The following SPRY3 variants were observed in gnomAD, a reference collection of about 807,000 sequenced individuals.
SPRY3 encodes the protein protein sprouty homolog 3.
SPRY3 carries 15 observed loss-of-function variants against 20.2 expected under a neutral mutation model. The ratio of observed to expected loss-of-function variants is 0.74; its 90% CI spans 0.50 to 1.14. SPRY3 has a LOEUF of 1.14. SPRY3 is among the 50% of genes most tolerant of loss of function. The pLI is 0.00. For missense variants in SPRY3, 364 were observed against 363.9 expected (o/e 1.00, Z 0.00); for synonymous variants, 143 against 136.5 (o/e 1.05, Z -0.33).
chrX:155,626,511 C>T (rs180843231), intron 1 of SPRY3, among the ~76,000 whole-genome samples: 1 of 110,915 alleles, frequency 9.0e-6, no homozygotes, highest in East Asian at 2.8e-4. Flanking sequence ...TTTTCACTGT[C>T]CTGATGGTGT....
In SPRY3 at chrX:155,729,147, G is replaced by A. The variant is rs777180661; in HGVS notation, c.-281-38815G>A. Among the ~76,000 whole-genome samples, 16 of 152,176 alleles carry A rather than the reference G, an allele frequency of 1.1e-4. No homozygotes were observed. In the South Asian group the frequency reaches 2.5e-3, roughly 24 times the overall value. On this transcript the variant is annotated intron_variant, in intron 2 of 3. Coordinates refer to ENST00000675360, the Ensembl canonical transcript of SPRY3. ...CTTCAACAGCCCACTTTTAGCATTG[G>A]ACAGATATCCAACAAAAAATCAACA...
At chrX:155,740,406 G>A (rs759023461) in intron 2 of SPRY3, among the ~76,000 whole-genome samples, 7 of 152,240 alleles carry the variant, frequency 4.6e-5, no homozygotes, top group South Asian at 2.1e-4. Flanking sequence ...ATAAACGGAC[G>A]TGCAAGTAGG....
intron 2 of SPRY3, among the ~76,000 whole-genome samples, chrX:155,749,627 A>G (rs1253760348): frequency 6.6e-6 from 1 of 151,846 alleles, no homozygotes; most frequent in Non-Finnish European, 1.5e-5. Context: ...GCTGTGTGAG[A>G]AAGAGTGATA....
At chrX:155,768,764 C>T (rs960488777) in intron 3 of SPRY3, among the ~76,000 whole-genome samples, 2 of 152,180 alleles carry the variant, frequency 1.3e-5, no homozygotes, top group African/African-American at 4.8e-5. Context: ...AAAGTGAGAA[C>T]CTGTGAGCAC....
At chrX:155,707,486 C>T (rs1465962568) in intron 2 of SPRY3, among the ~76,000 whole-genome samples, 1 of 151,150 alleles carries the variant, frequency 6.6e-6, no homozygotes, top group Non-Finnish European at 1.5e-5. Context: ...AATGTCAGGT[C>T]ACACTGGTGT....
intron 2 of SPRY3, among the ~76,000 whole-genome samples, chrX:155,712,286 G>C (rs939451950): frequency 3.3e-5 from 5 of 151,800 alleles, no homozygotes; most frequent in African/African-American, 7.2e-5. Context: ...CTTAAAGTGG[G>C]GTATTGAAGC....
At chrX:155,650,187 T>A (rs1365103686) in intron 1 of SPRY3, among the ~76,000 whole-genome samples, 3 of 111,513 alleles carry the variant, frequency 2.7e-5, no homozygotes, top group Non-Finnish European at 5.7e-5. Context: ...ATACTGCTCA[T>A]AGTAATTTAT....
At chrX:155,676,826 A>T in intron 2 of SPRY3, among the ~76,000 whole-genome samples, 1 of 111,285 alleles carries the variant, frequency 9.0e-6, no homozygotes, top group Non-Finnish European at 1.9e-5. Context: ...TTTTTGAGGG[A>T]GGAGCCCTCA....
At chrX:155,687,672 T>C (rs1474468817) in intron 2 of SPRY3, among the ~76,000 whole-genome samples, 1 of 112,220 alleles carries the variant, frequency 8.9e-6, no homozygotes, top group Non-Finnish European at 1.9e-5. Flanking sequence ...ATTTCATGAC[T>C]TTAAGTCCAG....
intron 2 of SPRY3, among the ~76,000 whole-genome samples, chrX:155,750,468 G>C (rs1360229471): frequency 6.6e-6 from 1 of 151,732 alleles, no homozygotes. Flanking sequence ...AATATCACCA[G>C]AGGACATTGA....
intron 2 of SPRY3, among the ~76,000 whole-genome samples, chrX:155,727,051 T>A (rs1344432078): frequency 6.6e-6 from 1 of 152,158 alleles, no homozygotes; most frequent in Non-Finnish European, 1.5e-5. Flanking sequence ...TTATTTCTCC[T>A]TCACTTATAA....
At chrX:155,767,784 G>C (rs977855071) in intron 2 of SPRY3, 178 bp from the exon 2 acceptor site, 4 of 151,478 alleles carry the variant, frequency 2.6e-5, no homozygotes, top group African/African-American at 5.0e-5. Context: ...AAGAGGAGGA[G>C]GTGAACAACT....
chrX:155,637,441 G>C (rs1158043251), intron 1 of SPRY3, among the ~76,000 whole-genome samples: 1 of 111,150 alleles, frequency 9.0e-6, no homozygotes, highest in Non-Finnish European at 1.9e-5. Context: ...GAAGGTGCTA[G>C]AGCAGTGTCA....
chrX:155,631,372 G>A (rs1167405856), intron 1 of SPRY3, among the ~76,000 whole-genome samples: 3 of 112,135 alleles, frequency 2.7e-5, no homozygotes, highest in African/African-American at 9.7e-5. Context: ...TTGATTCCAT[G>A]TCTTGGCTAT....
intron 2 of SPRY3, among the ~76,000 whole-genome samples, chrX:155,679,065 G>T (rs2068065956): frequency 9.0e-6 from 1 of 111,042 alleles, no homozygotes; most frequent in Admixed American, 9.6e-5. Flanking sequence ...GGGGCTGGGG[G>T]AAGGATAGCA....
At chrX:155,683,234 G>A (rs766729171) in intron 2 of SPRY3, among the ~76,000 whole-genome samples, 32 of 112,322 alleles carry the variant, frequency 2.8e-4, no homozygotes, top group African/African-American at 8.4e-4. Flanking sequence ...GTTCTGCTGT[G>A]GGTAAAATGC....
chrX:155,725,908 G>A (rs1175611181), intron 2 of SPRY3, among the ~76,000 whole-genome samples: 1 of 152,124 alleles, frequency 6.6e-6, no homozygotes, highest in Non-Finnish European at 1.5e-5. Context: ...TAATTGTGAT[G>A]TTAGGATGTC....
At chrX:155,640,310 GTTA>G (rs1161741732) in intron 1 of SPRY3, among the ~76,000 whole-genome samples, 1 of 112,330 alleles carries the variant, frequency 8.9e-6, no homozygotes, top group African/African-American at 3.2e-5. Flanking sequence ...GAGAAAAAGT[GTTA>G]TTAAGAAAAT....
chrX:155,685,829 G>A (rs2068086088), intron 2 of SPRY3, among the ~76,000 whole-genome samples: 2 of 110,923 alleles, frequency 1.8e-5, no homozygotes, highest in South Asian at 7.7e-4. Context: ...GTGCAGTGGC[G>A]CGATCTCAGC....
Sources: allele counts gnomAD v4.1 joint callset (sites outside exome capture counted in the v4.1 genomes callset), GRCh38; gene constraint gnomAD v4.1.1; transcripts MANE v1.5; gene names NCBI Gene and HGNC (gene_info 2026-07-23, HGNC 2026-07-21).